SGK1: variants seen among roughly 807,000 people sequenced by gnomAD.
SGK1 encodes the protein serum/glucocorticoid regulated kinase 1.
In SGK1, 26 loss-of-function variants were observed where a neutral mutation model predicts 64.2. The observed-to-expected ratio is 0.40, with a 90% confidence interval of 0.30 to 0.56. The LOEUF (loss-of-function observed/expected upper bound fraction) is 0.56. Among genes scored for constraint, SGK1 ranks in the 20% least tolerant of loss-of-function variants. The pLI, the probability that SGK1 is intolerant of heterozygous loss-of-function variation, is 0.38. For synonymous variants in SGK1, 265 were observed against 239.7 expected (o/e 1.11, Z -0.98); for missense variants, 519 against 645.6 (o/e 0.80, Z 2.12).
intron 2 of SGK1, chr6:134,214,916 T>C (rs1775952691): frequency 2.9e-6 from 1 of 345,696 alleles, no homozygotes; most frequent in South Asian, 2.3e-5. Flanking sequence ...TTGAAAGTAT[T>C]GGGTTAGGTA....
At chr6:134,292,318 C>T (rs779071355) in intron 1 of SGK1, among the ~76,000 whole-genome samples, 8 of 152,068 alleles carry the variant, frequency 5.3e-5, no homozygotes, top group Non-Finnish European at 1.0e-4. Flanking sequence ...GGGGGCCGGG[C>T]GCGGTGGCTC....
intron 3 of SGK1, chr6:134,176,046 T>A: frequency 2.1e-6 from 2 of 961,698 alleles, no homozygotes; most frequent in Non-Finnish European, 2.5e-6. Flanking sequence ...CCGTTCCGCA[T>A]GTAATTTTTT....
intron 2 of SGK1, among the ~76,000 whole-genome samples, chr6:134,243,672 A>T (rs2114727641): frequency 6.6e-6 from 1 of 152,260 alleles, no homozygotes; most frequent in South Asian, 2.1e-4. Flanking sequence ...CCCGGCCATA[A>T]CGTGCAGTTT....
chr6:134,235,683 T>C (rs1776352583), intron 2 of SGK1, among the ~76,000 whole-genome samples: 1 of 151,936 alleles, frequency 6.6e-6, no homozygotes, highest in South Asian at 2.1e-4. Flanking sequence ...GTGATTCTCC[T>C]GCCTCAGCCT....
chr6:134,175,981 G>GTACA, intron 3 of SGK1: 1 of 1,105,136 alleles, frequency 9.0e-7, no homozygotes, highest in Non-Finnish European at 1.1e-6. Context: ...AAAGGAAGAA[G>GTACA]TACAATCTGC....
chr6:134,174,186 C>T, intron 4 of SGK1, 106 bp from the exon 5 acceptor site: 1 of 764,008 alleles, frequency 1.3e-6, no homozygotes, highest in Non-Finnish European at 2.2e-6. Context: ...GGATAATTCA[C>T]TGTTTAAACT....
chr6:134,202,871 T>C (rs1250803940), intron 3 of SGK1, among the ~76,000 whole-genome samples: 1 of 152,210 alleles, frequency 6.6e-6, no homozygotes, highest in Non-Finnish European at 1.5e-5. Context: ...ACAGCTATAA[T>C]ATAAAAGATG....
chr6:134,314,376 T>C (rs557278288), intron 1 of SGK1, among the ~76,000 whole-genome samples: 1 of 152,120 alleles, frequency 6.6e-6, no homozygotes, highest in Non-Finnish European at 1.5e-5. Flanking sequence ...CAGAAGAGTC[T>C]GTTGTGGAAA....
At chr6:134,298,744 C>T in intron 1 of SGK1, 1 of 516,836 alleles carries the variant, frequency 1.9e-6, no homozygotes, top group South Asian at 3.6e-5. Flanking sequence ...GCAGAGATTC[C>T]AGAAGGAGTG....
At chr6:134,274,134 G>T (rs1776983983) in intron 1 of SGK1, among the ~76,000 whole-genome samples, 1 of 152,028 alleles carries the variant, frequency 6.6e-6, no homozygotes, top group South Asian at 2.1e-4. Flanking sequence ...CTCCCAAGTA[G>T]CTGGGATTAC....
At chr6:134,276,664 C>T (rs1256868700) in intron 1 of SGK1, among the ~76,000 whole-genome samples, 1 of 152,102 alleles carries the variant, frequency 6.6e-6, no homozygotes, top group Non-Finnish European at 1.5e-5. Context: ...AAGCACTGTC[C>T]ACAGATTAGA....
intron 1 of SGK1, among the ~76,000 whole-genome samples, chr6:134,284,935 G>T (rs1255262074): frequency 6.6e-6 from 1 of 152,136 alleles, no homozygotes; most frequent in Admixed American, 6.6e-5. Flanking sequence ...TCCACTCATT[G>T]GCTGATGGGC....
Position 134,232,484 on chromosome 6 carries a change from A to G in SGK1, c.286-25053T>C, listed in dbSNP as rs1052691877. Among the ~76,000 whole-genome samples, 5 of 132,556 alleles carry G rather than the reference A, an allele frequency of 3.8e-5. No individual in the cohort carries two copies. In the South Asian group the frequency reaches 7.0e-4, roughly 19 times the overall value. 87.0% of individuals were successfully genotyped at this position (132,556 alleles called of 152,430 possible). ...GAAAGAAAGAAAGAAAGAAAGAAAG[A>G]GAAAGAAAAAGAAAAGAAAGAAGAG... is the stretch of plus-strand genomic sequence containing the variant. On this transcript the variant is annotated intron_variant, in intron 2 of 13. Coordinates refer to ENST00000367858, the MANE Select transcript of SGK1 (RefSeq NM_001143676.3).
At chr6:134,295,920 A>G (rs1777341041) in intron 1 of SGK1, among the ~76,000 whole-genome samples, 1 of 152,230 alleles carries the variant, frequency 6.6e-6, no homozygotes, top group African/African-American at 2.4e-5. Context: ...AGGTAGAATT[A>G]AAAGTGGATT....
intron 3 of SGK1, among the ~76,000 whole-genome samples, chr6:134,178,327 G>A (rs1027331225): frequency 2.0e-5 from 3 of 152,098 alleles, no homozygotes; most frequent in Non-Finnish European, 4.4e-5. Flanking sequence ...AACCGGATAC[G>A]TGATGGGTGG....
chr6:134,262,712 C>T (rs1218265471), intron 1 of SGK1, among the ~76,000 whole-genome samples: 1 of 151,338 alleles, frequency 6.6e-6, no homozygotes, highest in Non-Finnish European at 1.5e-5. Context: ...ACAACAACAA[C>T]ACAACAACAA....
intron 1 of SGK1, among the ~76,000 whole-genome samples, chr6:134,293,233 C>G (rs1286207992): frequency 1.3e-5 from 2 of 152,126 alleles, no homozygotes; most frequent in African/African-American, 4.8e-5. Context: ...CAAAAAATGT[C>G]TTAAATAGTT....
Position 134,205,086 on chromosome 6 carries a change from G to T in SGK1, c.361+2270C>A, listed in dbSNP as rs1045088433. Among the ~76,000 whole-genome samples, 17 of 152,110 alleles carry T rather than the reference G, an allele frequency of 1.1e-4. 1 individual carries two copies. Among genetic ancestry groups the T allele is most frequent in the Admixed American group, 1.0e-3 (16 of 15,254 alleles). ...GCTTCACAGATAGAGCAGTCCTGAG[G>T]GCTGCTGGTCAAGCACCATTTTCTA... is the stretch of plus-strand genomic sequence containing the variant. On this transcript the variant is annotated intron_variant, in intron 3 of 13. Coordinates refer to ENST00000367858, the MANE Select transcript of SGK1 (RefSeq NM_001143676.3).
chr6:134,285,353 C>T (rs1247029100), intron 1 of SGK1, among the ~76,000 whole-genome samples: 1 of 151,882 alleles, frequency 6.6e-6, no homozygotes, highest in African/African-American at 2.4e-5. Context: ...TGGTGCATGC[C>T]TGTAGTCCCA....
Sources: allele counts gnomAD v4.1 joint callset (sites outside exome capture counted in the v4.1 genomes callset), GRCh38; gene constraint gnomAD v4.1.1; transcripts MANE v1.5; gene names NCBI Gene and HGNC (gene_info 2026-07-23, HGNC 2026-07-21).